TTC17: variants seen among roughly 807,000 people sequenced by gnomAD.
The protein encoded by TTC17 is tetratricopeptide repeat protein 17.
A neutral mutation model predicts 143.8 loss-of-function variants in TTC17; 58 were observed. The observed-to-expected ratio is 0.40, with a 90% CI of 0.33 to 0.50. TTC17 has a LOEUF of 0.50. TTC17 is among the 20% of genes least tolerant of loss of function. TTC17 has a pLI of 0.49. For synonymous variants in TTC17, 501 were observed against 497.8 expected, an observed-to-expected ratio of 1.01 and a Z score of -0.09; for missense variants, 1,273 against 1,392.5, an observed-to-expected ratio of 0.91 and a Z score of 1.37.
chr11:43,380,266 GTTT>G (rs542522839), intron 2 of TTC17, among the ~76,000 whole-genome samples: 1 of 151,308 alleles, frequency 6.6e-6, no homozygotes, highest in Non-Finnish European at 1.5e-5. Flanking sequence ...GTTTTGTTTT[GTTT>G]TTTGAGTCGA....
intron 16 of TTC17, chr11:43,435,152 C>T (rs1487902539): frequency 6.6e-6 from 1 of 151,446 alleles, no homozygotes; most frequent in African/African-American, 2.4e-5. Flanking sequence ...TTTGAGACAA[C>T]ATTCTCTAAA....
chr11:43,371,668 G>A (rs947322768), intron 1 of TTC17, among the ~76,000 whole-genome samples: 48 of 152,254 alleles, frequency 3.2e-4, no homozygotes, highest in African/African-American at 1.0e-3. Flanking sequence ...TCTCACCAGA[G>A]GTTAAGGGGT....
At chr11:43,428,014 A>G in intron 16 of TTC17, among the ~76,000 whole-genome samples, 1 of 152,234 alleles carries the variant, frequency 6.6e-6, no homozygotes, top group East Asian at 1.9e-4. Flanking sequence ...ATACATAAGT[A>G]GATACAAATC....
At chr11:43,454,795 G>A (rs192943517) in intron 21 of TTC17, among the ~76,000 whole-genome samples, 4 of 152,068 alleles carry the variant, frequency 2.6e-5, no homozygotes, top group East Asian at 1.9e-4. Context: ...TAGTATTTAT[G>A]TATCCAGAAA....
chr11:43,461,707 G>A (rs1947871264), intron 21 of TTC17, among the ~76,000 whole-genome samples: 1 of 152,096 alleles, frequency 6.6e-6, no homozygotes, highest in Non-Finnish European at 1.5e-5. Context: ...TACACCCTGA[G>A]GAGTTTCAAT....
chr11:43,399,010 G>A (rs1196741596), intron 8 of TTC17, among the ~76,000 whole-genome samples: 1 of 152,166 alleles, frequency 6.6e-6, no homozygotes, highest in African/African-American at 2.4e-5. Context: ...ATCTCTGTAT[G>A]TTACAGTGTG....
chr11:43,422,543 A>C (rs1946930761), intron 16 of TTC17, among the ~76,000 whole-genome samples: 1 of 152,216 alleles, frequency 6.6e-6, no homozygotes, highest in African/African-American at 2.4e-5. Flanking sequence ...GCCAACATTT[A>C]AAGGTCAGGA....
rs987856324 is a variant in TTC17 at position 43,473,032 on chromosome 11, A to G, written c.3031-17207A>G. ...TCTACTAAAAATACAAAAATTAACC[A>G]TGTGCGGTGGTGCGTGCCTGTAATC... On this transcript the variant is annotated intron_variant, in intron 21 of 23. Coordinates refer to ENST00000039989, the MANE Select transcript of TTC17 (RefSeq NM_018259.6). Among the ~76,000 whole-genome samples the G allele has an allele frequency of 9.9e-5, 15 of 151,674 alleles. 1 individual carries two copies. Among genetic ancestry groups the G allele is most frequent in the African/African-American group, 3.4e-4 (14 of 41,308 alleles).
chr11:43,414,369 T>C (rs1270204009), intron 15 of TTC17, among the ~76,000 whole-genome samples: 2 of 152,090 alleles, frequency 1.3e-5, no homozygotes, highest in South Asian at 4.1e-4. Flanking sequence ...CATATATAAT[T>C]TATATTACAT....
intron 1 of TTC17, among the ~76,000 whole-genome samples, chr11:43,365,671 A>G (rs1482725040): frequency 6.6e-6 from 1 of 152,214 alleles, no homozygotes; most frequent in East Asian, 1.9e-4. Context: ...TTTACCTTGT[A>G]CAAAAATAAT....
At chr11:43,403,968 TTTGA>T (rs758650169) in intron 10 of TTC17, 26 bp from the exon 11 acceptor site, 2 of 1,558,920 alleles carry the variant, frequency 1.3e-6, no homozygotes, top group East Asian at 2.3e-5. Context: ...CCACTTTCAA[TTTGA>T]TTGAACTTTT....
intron 21 of TTC17, among the ~76,000 whole-genome samples, chr11:43,459,882 CAT>C (rs1947832352): frequency 6.6e-6 from 1 of 152,178 alleles, no homozygotes; most frequent in Non-Finnish European, 1.5e-5. Flanking sequence ...TTCAATATAA[CAT>C]AATGCAAGTG....
At chr11:43,405,484 A>T in intron 11 of TTC17, 30 bp from the exon 12 acceptor site, 3 of 1,552,234 alleles carry the variant, frequency 1.9e-6, no homozygotes, top group Non-Finnish European at 2.7e-6. Flanking sequence ...AATCCAAAGA[A>T]ATTTATGAGA....
intron 16 of TTC17, among the ~76,000 whole-genome samples, chr11:43,441,983 G>A (rs2862935): frequency 0.045 from 6,771 of 152,132 alleles, 229 homozygotes; most frequent in African/African-American, 0.098. Flanking sequence ...TGATTTTGCC[G>A]TCGTGGGAAC....
At chr11:43,376,480 G>A (rs1317027773) in intron 1 of TTC17, among the ~76,000 whole-genome samples, 1 of 152,144 alleles carries the variant, frequency 6.6e-6, no homozygotes, top group Non-Finnish European at 1.5e-5. Flanking sequence ...GTTCTGTGCA[G>A]CAATGGAAGT....
chr11:43,365,596 T>G (rs1195988322), intron 1 of TTC17, among the ~76,000 whole-genome samples: 1 of 152,202 alleles, frequency 6.6e-6, no homozygotes, highest in Non-Finnish European at 1.5e-5. Flanking sequence ...CTTTGTTGTT[T>G]TTGTTTTTGT....
At chr11:43,372,482 T>TTTTATTTATTTATTTATTTATTTA (rs368350167) in intron 1 of TTC17, among the ~76,000 whole-genome samples, 3 of 145,854 alleles carry the variant, frequency 2.1e-5, no homozygotes, top group Non-Finnish European at 3.0e-5. Context: ...TATTTTTATT[T>TTTTATTTATTTATTTATTTATTTA]TTTATTTATT....
At chr11:43,488,914 T>C (rs1948425058) in intron 21 of TTC17, among the ~76,000 whole-genome samples, 2 of 152,146 alleles carry the variant, frequency 1.3e-5, no homozygotes, top group Admixed American at 1.3e-4. Context: ...TTGCCCAGGC[T>C]GATCTCCTCT....
intron 16 of TTC17, among the ~76,000 whole-genome samples, chr11:43,417,706 G>A (rs977858000): frequency 1.3e-5 from 2 of 152,104 alleles, no homozygotes; most frequent in African/African-American, 4.8e-5. Flanking sequence ...CGTGATAGCG[G>A]GCACCTGTAA....
Sources: allele counts gnomAD v4.1 joint callset (sites outside exome capture counted in the v4.1 genomes callset), GRCh38; gene constraint gnomAD v4.1.1; transcripts MANE v1.5; gene names NCBI Gene and HGNC (gene_info 2026-07-23, HGNC 2026-07-21).